Variants in STK17A observed in about 807,000 individuals in gnomAD.
STK17A encodes serine/threonine-protein kinase 17A.
A neutral mutation model predicts 43.7 loss-of-function variants in STK17A; 26 were observed. The observed-to-expected ratio is 0.60, with a 90% CI of 0.44 to 0.83. STK17A has a LOEUF of 0.83. STK17A is among the 40% of genes least tolerant of loss of function. The pLI is 0.00. For synonymous variants in STK17A, 191 were observed against 182.5 expected, an observed-to-expected ratio of 1.05 and a Z score of -0.38; for missense variants, 476 against 511.6, an observed-to-expected ratio of 0.93 and a Z score of 0.67.
intron 1 of STK17A, among the ~76,000 whole-genome samples, chr7:43,595,309 ACT>A (rs1322034892): frequency 1.8e-4 from 23 of 127,542 alleles, no homozygotes; most frequent in East Asian, 6.8e-4. Context: ...ACAGAGTCTC[ACT>A]CTGTCATCCA....
chr7:43,591,162 G>A (rs2082476257), intron 1 of STK17A, among the ~76,000 whole-genome samples: 1 of 151,456 alleles, frequency 6.6e-6, no homozygotes, highest in Admixed American at 6.6e-5. Flanking sequence ...TTAGAATGAT[G>A]GAAGAGTTTT....
intron 4 of STK17A, among the ~76,000 whole-genome samples, chr7:43,620,382 A>G (rs560388310): frequency 1.3e-5 from 2 of 152,324 alleles, no homozygotes; most frequent in African/African-American, 4.8e-5. Context: ...AGATTAGATT[A>G]TTAATATTTA....
At chr7:43,599,699 C>T (rs1452449344) in intron 2 of STK17A, among the ~76,000 whole-genome samples, 1 of 152,168 alleles carries the variant, frequency 6.6e-6, no homozygotes. Flanking sequence ...GGCTTATGTG[C>T]TTATGGTGAC....
intron 2 of STK17A, among the ~76,000 whole-genome samples, chr7:43,599,239 A>G (rs1443819125): frequency 6.6e-6 from 1 of 152,240 alleles, no homozygotes; most frequent in Non-Finnish European, 1.5e-5. Context: ...TTGGTGCAAT[A>G]TGTGAAGGGG....
chr7:43,611,350 C>T (rs1327241657), intron 3 of STK17A, among the ~76,000 whole-genome samples: 1 of 152,156 alleles, frequency 6.6e-6, no homozygotes, highest in Non-Finnish European at 1.5e-5. Context: ...ACACATTTAT[C>T]TTTTCTCAAA....
intron 2 of STK17A, among the ~76,000 whole-genome samples, chr7:43,607,647 C>CA (rs760624386): frequency 0.15 from 7,865 of 53,850 alleles, 984 homozygotes; most frequent in African/African-American, 0.26. Flanking sequence ...GACTCCGTCT[C>CA]AAAAAAAAAA....
At chr7:43,612,932 T>C (rs2083008604) in intron 3 of STK17A, among the ~76,000 whole-genome samples, 1 of 152,114 alleles carries the variant, frequency 6.6e-6, no homozygotes. Flanking sequence ...ATATATAAAA[T>C]GTTGCAGAAA....
chr7:43,595,559 G>T (rs2082509459), intron 1 of STK17A, among the ~76,000 whole-genome samples: 1 of 152,054 alleles, frequency 6.6e-6, no homozygotes, highest in South Asian at 2.1e-4. Flanking sequence ...GATTACAAAG[G>T]TGCACCATGC....
At chr7:43,623,294 G>A (rs28367397) in intron 4 of STK17A, 59,937 of 347,876 alleles carry the variant, frequency 0.17, 5,868 homozygotes, top group Non-Finnish European at 0.21. Flanking sequence ...ATAACACAGA[G>A]ATTGTCAGTT....
intron 2 of STK17A, among the ~76,000 whole-genome samples, chr7:43,601,374 G>T (rs2082553726): frequency 6.6e-6 from 1 of 152,162 alleles, no homozygotes; most frequent in East Asian, 1.9e-4. Flanking sequence ...TCCAAAAATG[G>T]CAGAACGGTT....
At chr7:43,596,758 C>T (rs2082518222) in intron 2 of STK17A, among the ~76,000 whole-genome samples, 1 of 151,722 alleles carries the variant, frequency 6.6e-6, no homozygotes, top group African/African-American at 2.4e-5. Context: ...ATCCCAGCTA[C>T]TCAGGAGCCT....
intron 3 of STK17A, among the ~76,000 whole-genome samples, chr7:43,611,611 T>C (rs1160394588): frequency 6.6e-6 from 1 of 152,158 alleles, no homozygotes; most frequent in Non-Finnish European, 1.5e-5. Flanking sequence ...TCCACCTTGC[T>C]TCCCTCGGGA....
chr7:43,583,113 C>T lies in STK17A; in HGVS notation c.-131C>T. ...CTACCGGTAGTCTGCCTGCCGCAGTCCGAGCGCCGCGCTGGGGAGAGCGGG... is the reference window on the plus strand; with the variant it reads ...CTACCGGTAGTCTGCCTGCCGCAGTTCGAGCGCCGCGCTGGGGAGAGCGGG... On this transcript the variant is annotated 5_prime_UTR_variant, in exon 1 of 7. Transcript: ENST00000319357. 4 of 998,364 alleles carry T rather than the reference C, an allele frequency of 4.0e-6. No homozygotes were observed. In the South Asian group the frequency reaches 6.5e-5, roughly 16 times the overall value. The allele number at this position is 998,364 out of a possible 1,614,324, so 61.8% of individuals were successfully genotyped here. A position where few individuals can be genotyped will look rare whatever the true frequency, so the allele number is the denominator to read the frequency against.
At chr7:43,624,009 A>C (rs1317512539) in intron 6 of STK17A, 121 bp downstream of exon 6, 1 of 661,450 alleles carries the variant, frequency 1.5e-6, no homozygotes, top group Non-Finnish European at 2.2e-6. Flanking sequence ...CTTCTAAAAC[A>C]CCATAATGGA....
At chr7:43,619,368 T>A (rs1245110579) in intron 3 of STK17A, among the ~76,000 whole-genome samples, 1 of 152,192 alleles carries the variant, frequency 6.6e-6, no homozygotes, top group Non-Finnish European at 1.5e-5. Context: ...AACATATTTA[T>A]ATGCTGAGGA....
At chr7:43,615,603 CAAAG>C (rs1203264675) in intron 3 of STK17A, among the ~76,000 whole-genome samples, 3 of 152,126 alleles carry the variant, frequency 2.0e-5, no homozygotes, top group Non-Finnish European at 4.4e-5. Context: ...AGCTAATTAA[CAAAG>C]AAAACGTGGC....
chr7:43,623,355 TCAA>T (rs1208130268), intron 4 of STK17A: 3 of 511,434 alleles, frequency 5.9e-6, no homozygotes, highest in African/African-American at 2.0e-5. Flanking sequence ...TACTAGGGAC[TCAA>T]CAATGGTGGG....
intron 3 of STK17A, among the ~76,000 whole-genome samples, chr7:43,612,633 A>AG (rs2082978695): frequency 6.6e-6 from 1 of 152,246 alleles, no homozygotes; most frequent in Admixed American, 6.5e-5. Flanking sequence ...TCCCTGTGAC[A>AG]GAAGTTAGTT....
intron 3 of STK17A, among the ~76,000 whole-genome samples, chr7:43,615,426 CT>C (rs1342608050): frequency 1.3e-5 from 2 of 152,196 alleles, no homozygotes; most frequent in Non-Finnish European, 2.9e-5. Flanking sequence ...ATCCACTCAC[CT>C]CGGCCTCCCA....
Sources: allele counts gnomAD v4.1 joint callset (sites outside exome capture counted in the v4.1 genomes callset), GRCh38; gene constraint gnomAD v4.1.1; transcripts MANE v1.5; gene names NCBI Gene and HGNC (gene_info 2026-07-23, HGNC 2026-07-21).